Variants in COPG2 observed in about 807,000 individuals in gnomAD.
COPG2 encodes coat protein complex I subunit gamma 2, also known as coatomer subunit gamma-2.
In COPG2, 37 loss-of-function variants were observed where a neutral mutation model predicts 46.3. The observed-to-expected ratio is 0.80, with a 90% CI of 0.61 to 1.05. The LOEUF (loss-of-function observed/expected upper bound fraction) is 1.05, where lower values mean the gene tolerates loss of function less well. Among genes scored for constraint, COPG2 ranks in the 50% least tolerant of loss-of-function variants. The probability of loss-of-function intolerance (pLI) is 0.00; values close to 1 mark genes in which losing one functional copy is unlikely to be tolerated. For missense variants in COPG2, 427 were observed against 387.8 expected (o/e 1.10, Z -0.85); for synonymous variants, 159 against 129.7 (o/e 1.23, Z -1.53).
At chr7:130,596,210 CG>C (rs1794524487) in intron 9 of COPG2, among the ~76,000 whole-genome samples, 1 of 152,174 alleles carries the variant, frequency 6.6e-6, no homozygotes, top group Non-Finnish European at 1.5e-5. Flanking sequence ...GGACCAGCTG[CG>C]CTAAGACACT....
chr7:130,521,671 G>C (rs1427643477), intron 20 of COPG2, among the ~76,000 whole-genome samples: 1 of 152,200 alleles, frequency 6.6e-6, no homozygotes, highest in Non-Finnish European at 1.5e-5. Context: ...AAGAAAACAA[G>C]TGATGGACAC....
chr7:130,645,421 G>A (rs910035259), intron 5 of COPG2: 7 of 448,630 alleles, frequency 1.6e-5, no homozygotes, highest in Non-Finnish European at 1.3e-5. Flanking sequence ...GTGTCCATGG[G>A]GTGGAGCCCA....
intron 4 of COPG2, among the ~76,000 whole-genome samples, chr7:130,653,958 C>T (rs543306441): frequency 2.0e-5 from 3 of 151,274 alleles, no homozygotes; most frequent in Non-Finnish European, 3.0e-5. Context: ...ACACCCCACC[C>T]CAATTTAAAG....
intron 9 of COPG2, chr7:130,605,115 C>T: frequency 2.0e-6 from 1 of 492,722 alleles, no homozygotes; most frequent in Admixed American, 2.2e-5. Flanking sequence ...GATCTTATCC[C>T]ACAGTTCTTC....
chr7:130,629,850 A>C (rs1795194043), intron 5 of COPG2, among the ~76,000 whole-genome samples: 1 of 151,624 alleles, frequency 6.6e-6, no homozygotes, highest in Admixed American at 6.6e-5. Flanking sequence ...AAGTCTACGA[A>C]TGAATCTGAA....
At chr7:130,524,849 G>A (rs1451624830) in intron 20 of COPG2, among the ~76,000 whole-genome samples, 4 of 152,140 alleles carry the variant, frequency 2.6e-5, no homozygotes, top group African/African-American at 4.8e-5. Context: ...GATTGAGTTC[G>A]ACAGAGGAAA....
chr7:130,592,395 C>CAAAAAA (rs1187335882), intron 9 of COPG2, among the ~76,000 whole-genome samples: 3 of 74,974 alleles, frequency 4.0e-5, no homozygotes, highest in African/African-American at 3.9e-5. Context: ...CAAGAATGAT[C>CAAAAAA]AAAAAAAAAA....
At chr7:130,549,043 C>CAAAAAAA (rs1284034360) in intron 18 of COPG2, among the ~76,000 whole-genome samples, 4 of 110,632 alleles carry the variant, frequency 3.6e-5, no homozygotes, top group African/African-American at 5.5e-5. Flanking sequence ...AAGCAAAAAG[C>CAAAAAAA]AAAAAAAAAA....
At chr7:130,528,531 C>G (rs1269256210) in intron 20 of COPG2, among the ~76,000 whole-genome samples, 2 of 152,004 alleles carry the variant, frequency 1.3e-5, no homozygotes, top group Non-Finnish European at 2.9e-5. Flanking sequence ...CCTGAGATCA[C>G]GAATTAGGCC....
chr7:130,627,149 C>T (rs1171959847), intron 5 of COPG2, among the ~76,000 whole-genome samples: 6 of 152,182 alleles, frequency 3.9e-5, no homozygotes, highest in East Asian at 1.9e-4. Context: ...CTTTGAAATC[C>T]GTTTCCTATA....
At chr7:130,573,724 T>G (rs894094887) in intron 9 of COPG2, among the ~76,000 whole-genome samples, 8 of 152,118 alleles carry the variant, frequency 5.3e-5, no homozygotes, top group Non-Finnish European at 1.2e-4. Context: ...CCATGCGTGA[T>G]TTTTAAAAAA....
At chr7:130,615,399 T>C (rs3792318) in intron 6 of COPG2, among the ~76,000 whole-genome samples, 64,470 of 152,062 alleles carry the variant, frequency 0.42, 16,591 homozygotes, top group East Asian at 0.59. Context: ...TGGCATATAA[T>C]AGGAGCTCAG....
intron 5 of COPG2, among the ~76,000 whole-genome samples, chr7:130,621,944 A>G (rs1203312646): frequency 0.027 from 1,567 of 57,248 alleles, 14 homozygotes; most frequent in Middle Eastern, 0.048. Context: ...ACTCCATCTC[A>G]AAAAAAAAAA....
chr7:130,511,094 A>G (rs1243630446), intron 20 of COPG2: 1 of 430,092 alleles, frequency 2.3e-6, no homozygotes, highest in African/African-American at 2.0e-5. Context: ...GCTGGCAGCT[A>G]AGACAGGAGA....
chr7:130,517,493 C>G (rs1259991594), intron 20 of COPG2, among the ~76,000 whole-genome samples: 1 of 152,142 alleles, frequency 6.6e-6, no homozygotes, highest in Non-Finnish European at 1.5e-5. Context: ...TGGTTAAAAA[C>G]TTGGTTAATA....
chr7:130,668,291 C>G (rs915372066), intron 1 of COPG2, among the ~76,000 whole-genome samples: 1 of 151,978 alleles, frequency 6.6e-6, no homozygotes, highest in Non-Finnish European at 1.5e-5. Flanking sequence ...ACCAGCACCC[C>G]TGGACGCGGA....
intron 10 of COPG2, among the ~76,000 whole-genome samples, chr7:130,563,937 A>G (rs1793760901): frequency 6.6e-6 from 1 of 152,022 alleles, no homozygotes; most frequent in African/African-American, 2.4e-5. Flanking sequence ...ACACCAAGGA[A>G]AACTGTAAAA....
intron 17 of COPG2, 71 bp from the exon 18 acceptor site, chr7:130,549,447 G>C: frequency 2.5e-6 from 1 of 398,348 alleles, no homozygotes; most frequent in East Asian, 3.6e-5. Flanking sequence ...CAGACAGAAA[G>C]AGAGGAGAGC....
chr7:130,601,594 T>G (rs1794631967), intron 9 of COPG2, among the ~76,000 whole-genome samples: 1 of 151,940 alleles, frequency 6.6e-6, no homozygotes, highest in Admixed American at 6.6e-5. Context: ...ATGTTCTCAC[T>G]CATAAGTGGG....
Sources: allele counts gnomAD v4.1 joint callset (sites outside exome capture counted in the v4.1 genomes callset), GRCh38; gene constraint gnomAD v4.1.1; transcripts MANE v1.5; gene names NCBI Gene and HGNC (gene_info 2026-07-23, HGNC 2026-07-21).